Variants in CTNNA3 observed in about 807,000 individuals in gnomAD.
The protein encoded by CTNNA3 is catenin alpha-3.
A neutral mutation model predicts 95.7 loss-of-function variants in CTNNA3; 76 were observed. The observed-to-expected ratio is 0.79, with a 90% CI of 0.66 to 0.96. The LOEUF is 0.96. CTNNA3 is among the 40% of genes least tolerant of loss of function. The pLI, the probability that CTNNA3 is intolerant of heterozygous loss-of-function variation, is 0.00. For synonymous variants in CTNNA3, 431 were observed against 374.4 expected (o/e 1.15, Z -1.74); for missense variants, 1,191 against 1,089.8 (o/e 1.09, Z -1.31).
chr10:66,128,756 C>T (rs2082943609), intron 13 of CTNNA3, among the ~76,000 whole-genome samples: 2 of 152,052 alleles, frequency 1.3e-5, no homozygotes, highest in Admixed American at 1.3e-4. Context: ...CAAGAATACA[C>T]CCTGATGTAA....
Position 66,625,845 on chromosome 10 carries a change from G to A in CTNNA3, c.1282-4061C>T, listed in dbSNP as rs76030224. Among the ~76,000 whole-genome samples the A allele has an allele frequency of 3.0e-4, 45 of 152,214 alleles. 1 individual carries two copies. In the East Asian group the frequency reaches 8.7e-3, roughly 29 times the overall value. ...ATTCCCTGTTGTGGAGCCTGGCCTT[G>A]TAGAATCCTGACACCTAGGCTAGTT... On this transcript the variant is annotated intron_variant, in intron 9 of 17. Coordinates refer to ENST00000433211, the MANE Select transcript of CTNNA3 (RefSeq NM_013266.4).
intron 12 of CTNNA3, among the ~76,000 whole-genome samples, chr10:66,344,778 G>A (rs56855040): frequency 0.047 from 7,132 of 152,056 alleles, 360 homozygotes; most frequent in East Asian, 0.23. Flanking sequence ...TGGCAATAGA[G>A]GCATCTGATT....
At chr10:67,390,383 C>A (rs9733387) in intron 5 of CTNNA3, among the ~76,000 whole-genome samples, 1 of 152,012 alleles carries the variant, frequency 6.6e-6, no homozygotes, top group African/African-American at 2.4e-5. Context: ...AATAGACCAA[C>A]AACAGGATCT....
chr10:67,751,006 A>G (rs1229635838), intron 1 of CTNNA3: 1 of 1,571,508 alleles, frequency 6.4e-7, no homozygotes, highest in African/African-American at 1.4e-5. Context: ...TGCAAGGCAC[A>G]AAAAACCACA....
intron 14 of CTNNA3, among the ~76,000 whole-genome samples, chr10:66,090,309 A>G (rs2081165722): frequency 6.6e-6 from 1 of 152,036 alleles, no homozygotes; most frequent in African/African-American, 2.4e-5. Context: ...CTAATTAGCA[A>G]GGTGAATGTT....
intron 11 of CTNNA3, among the ~76,000 whole-genome samples, chr10:66,388,454 T>A (rs2092910543): frequency 6.6e-6 from 1 of 152,126 alleles, no homozygotes; most frequent in Non-Finnish European, 1.5e-5. Flanking sequence ...AGAAGTATGA[T>A]CTATATGCCC....
At chr10:66,246,513 T>G (rs1280683086) in intron 13 of CTNNA3, among the ~76,000 whole-genome samples, 2 of 152,106 alleles carry the variant, frequency 1.3e-5, no homozygotes, top group African/African-American at 4.8e-5. Context: ...GCAGCTGGCA[T>G]GATGGCAACA....
rs59187647 is a variant in CTNNA3, at chr10:66,634,572, G to GGTGTGTGTGTGTGTGT, written c.1282-12804_1282-12789dup. Among the ~76,000 whole-genome samples the GGTGTGTGTGTGTGTGT allele has an allele frequency of 6.2e-3, 899 of 146,162 alleles. 13 individuals are homozygous for GGTGTGTGTGTGTGTGT. The highest frequency in any genetic ancestry group is 0.022 in the African/African-American group (860 of 39,400). On this transcript the variant is annotated intron_variant, in intron 9 of 17. Coordinates refer to ENST00000433211, the MANE Select transcript of CTNNA3 (RefSeq NM_013266.4). The stretch of plus-strand genomic sequence containing the variant: ...ATGTTTGGAAAGGTACTCTGTGCAT[G>GGTGTGTGTGTGTGTGT]GTGTGTGTGTGTGTGTGTGTGTGTG...
At chr10:66,875,226 CA>C (rs926666914) in intron 7 of CTNNA3, among the ~76,000 whole-genome samples, 1 of 151,916 alleles carries the variant, frequency 6.6e-6, no homozygotes, top group Non-Finnish European at 1.5e-5. Context: ...AGGAGAGGAG[CA>C]GGTTGAGAAG....
At chr10:66,254,693 T>C (rs2090692575) in intron 13 of CTNNA3, among the ~76,000 whole-genome samples, 1 of 152,212 alleles carries the variant, frequency 6.6e-6, no homozygotes, top group Non-Finnish European at 1.5e-5. Context: ...ATCCTGGGAC[T>C]TTACTGGGAT....
chr10:66,790,114 T>C (rs61120877), intron 7 of CTNNA3, among the ~76,000 whole-genome samples: 2,209 of 152,256 alleles, frequency 0.015, 63 homozygotes, highest in African/African-American at 0.051. Context: ...TATGACTCTA[T>C]AGACTAAAAA....
intron 5 of CTNNA3, among the ~76,000 whole-genome samples, chr10:67,322,639 T>C (rs1386097040): frequency 6.6e-6 from 1 of 152,216 alleles, no homozygotes; most frequent in Non-Finnish European, 1.5e-5. Flanking sequence ...GGCATTTAGG[T>C]TTATTCCATG....
At chr10:65,935,909 T>C (rs116600928) in intron 17 of CTNNA3, among the ~76,000 whole-genome samples, 1 of 152,268 alleles carries the variant, frequency 6.6e-6, no homozygotes, top group African/African-American at 2.4e-5. Context: ...TATGAATGCA[T>C]ATTTTATTGG....
chr10:66,475,754 C>G (rs1420064478), intron 11 of CTNNA3, among the ~76,000 whole-genome samples: 2 of 152,042 alleles, frequency 1.3e-5, no homozygotes, highest in Non-Finnish European at 2.9e-5. Context: ...AATGCTTTTA[C>G]ACAGTTGATG....
intron 11 of CTNNA3, among the ~76,000 whole-genome samples, chr10:66,485,886 A>T (rs1310359326): frequency 6.6e-6 from 1 of 152,158 alleles, no homozygotes; most frequent in Non-Finnish European, 1.5e-5. Context: ...TGGCATAAAA[A>T]CACATGGAAC....
At chr10:67,298,620 A>G (rs1335661743) in intron 5 of CTNNA3, among the ~76,000 whole-genome samples, 1 of 152,226 alleles carries the variant, frequency 6.6e-6, no homozygotes, top group African/African-American at 2.4e-5. Flanking sequence ...CCTCTAGATT[A>G]TGAGTGATCA....
chr10:67,688,901 C>T (rs1166054450), intron 1 of CTNNA3, among the ~76,000 whole-genome samples: 2 of 152,136 alleles, frequency 1.3e-5, no homozygotes, highest in Non-Finnish European at 2.9e-5. Context: ...CTCACCGACG[C>T]AGCATCAGAA....
intron 15 of CTNNA3, among the ~76,000 whole-genome samples, chr10:66,016,143 T>C (rs1359241336): frequency 6.6e-6 from 1 of 152,154 alleles, no homozygotes; most frequent in Admixed American, 6.6e-5. Context: ...GAGACAATAG[T>C]TGGGAGATGC....
At chr10:66,019,907 T>A in intron 15 of CTNNA3, among the ~76,000 whole-genome samples, 1 of 152,216 alleles carries the variant, frequency 6.6e-6, no homozygotes, top group East Asian at 1.9e-4. Flanking sequence ...TGCAGTATTA[T>A]AATTAACACA....
Sources: gnomAD v4.1 joint callset for allele counts (sites outside exome capture counted in the v4.1 genomes callset) on GRCh38, gnomAD v4.1.1 for gene constraint, MANE v1.5 for transcripts, NCBI Gene and HGNC (gene_info 2026-07-23, HGNC 2026-07-21) for gene names.